Variants in SEMA4C observed in about 807,000 individuals in gnomAD.
The protein encoded by SEMA4C is semaphorin 4C, also known as semaphorin-4C.
In SEMA4C, 19 loss-of-function variants were observed where a neutral mutation model predicts 89.0. That is an observed-to-expected ratio of 0.21 (90% CI 0.15 to 0.31). The LOEUF (loss-of-function observed/expected upper bound fraction) is 0.31, where lower values mean the gene tolerates loss of function less well. Among genes scored for constraint, SEMA4C ranks in the 10% least tolerant of loss-of-function variants. SEMA4C has a pLI of 1.00. For missense variants in SEMA4C, 811 were observed against 1,107.0 expected (o/e 0.73, Z 3.79); for synonymous variants, 428 against 472.7 (o/e 0.91, Z 1.23).
At chr2:96,866,925 G>C in intron 2 of SEMA4C, 1 of 322,000 alleles carries the variant, frequency 3.1e-6, no homozygotes, top group South Asian at 2.6e-5. Context: ...AGAGATGCGA[G>C]CACAGCAGGC....
chr2:96,861,622 G>A lies in SEMA4C; in HGVS notation c.1629C>T (p.Thr543=), dbSNP rs1559031114. 5.7e-6 allele frequency: 9 copies of A among 1,578,966 alleles called. No homozygotes were observed. Among genetic ancestry groups the A allele is most frequent in the Non-Finnish European group, 6.9e-6 (8 of 1,159,166 alleles). ...GGTTGCAGATGCCTGAAGTGTCCGAGGTCATCACATGCTGGATCAGTAGAG... is the reference window on the plus strand; with the variant it reads ...GGTTGCAGATGCCTGAAGTGTCCGAAGTCATCACATGCTGGATCAGTAGAG... ...SGSLLIQHVM[T]SDTSGICNLR... Residue 543 remains threonine (T), a synonymous_variant, in exon 14 of 15, where the codon ACC becomes ACT. Coordinates refer to ENST00000305476, the MANE Select transcript of SEMA4C (RefSeq NM_017789.5). This position sits in a 1 kb window ranked among gnomAD's most constrained non-coding sequence, Gnocchi z 7.8.
Position 96,860,506 on chromosome 2 carries a change from T to C in SEMA4C, c.*120A>G. ...CAGGTCCTCATGGCCGGGTGGGTGC[T>C]GGGCAGTATCTGTCCCAGACAGAGC... On this transcript the variant is annotated 3_prime_UTR_variant, in exon 15 of 15. Coordinates refer to ENST00000305476, the MANE Select transcript of SEMA4C (RefSeq NM_017789.5). 1 of 909,796 alleles carries C rather than the reference T, an allele frequency of 1.1e-6. No individual in the cohort carries two copies. Among genetic ancestry groups the C allele is most frequent in the Non-Finnish European group, 1.6e-6 (1 of 614,216 alleles). The allele number at this position is 909,796 out of a possible 1,614,324, so 56.4% of individuals were successfully genotyped here.
At position 96,864,258 on chromosome 2, in the gene SEMA4C, G is replaced by T; in HGVS notation, c.1087C>A (p.Pro363Thr). The T allele has an allele frequency of 1.2e-6, 2 of 1,614,060 alleles. No homozygotes were observed. The highest frequency in any genetic ancestry group is 1.7e-6 in the Non-Finnish European group (2 of 1,180,020). The change falls in exon 10 of 15, where the codon CCC becomes ACC. Residue 363 changes from proline to threonine, a missense_variant. Physicochemically the swap from Pro to Thr is conservative, Grantham distance 38. Around this residue, in one of 4 missense-constraint regions of SEMA4C, gnomAD observed 441 missense variants for 664.9 expected, o/e 0.66. Transcript: ENST00000305476. This position sits in a 1 kb window ranked among gnomAD's most constrained non-coding sequence, Gnocchi z 6.3. ...CTCACCGAGCCAGGCCGAGGGCTGG[G>T]TACAGGGTCAGTGTAGCGGTCCCAC... The part of the protein sequence containing the change: ...QKWDRYTDPV[P>T]SPRPGSCINN...
In SEMA4C at chr2:96,860,555, G is replaced by T; in HGVS notation, c.*71C>A. On this transcript the variant is annotated 3_prime_UTR_variant, in exon 15 of 15. Transcript: ENST00000305476. ...GCAGGTGCCCGTGCCATGTCCCTGAGGTAGCTGGTGCCTGTGCAAAAGTAG... is the reference window on the plus strand; with the variant it reads ...GCAGGTGCCCGTGCCATGTCCCTGATGTAGCTGGTGCCTGTGCAAAAGTAG... 1 of 1,376,654 alleles carries T rather than the reference G, an allele frequency of 7.3e-7. No homozygotes were observed. The highest frequency in any genetic ancestry group is 1.0e-6 in the Non-Finnish European group (1 of 998,706). 85.3% of individuals were successfully genotyped at this position (1,376,654 alleles called of 1,614,324 possible).
intron 2 of SEMA4C, chr2:96,866,923 G>C (rs1248689412): frequency 9.3e-6 from 3 of 322,080 alleles, no homozygotes; most frequent in African/African-American, 6.5e-5. Flanking sequence ...CCAGAGATGC[G>C]AGCACAGCAG....
Position 96,861,515 on chromosome 2 carries a change from G to C in SEMA4C, c.1673-60C>G, listed in dbSNP as rs897149139. Reference sequence around the variant, plus strand: ...GCAGGAAAGCAGGGCTGGGGAAGAGGAGAACAGAAACTCCAGCTCTGGTCC... The same window carrying C: ...GCAGGAAAGCAGGGCTGGGGAAGAGCAGAACAGAAACTCCAGCTCTGGTCC... On this transcript the variant is annotated intron_variant, in intron 14 of 14. Coordinates refer to ENST00000305476, the MANE Select transcript of SEMA4C (RefSeq NM_017789.5). This position sits in a 1 kb window ranked among gnomAD's most constrained non-coding sequence, Gnocchi z 7.8. 1.2e-6 allele frequency: 2 copies of C among 1,609,010 alleles called. No homozygotes were observed. The highest frequency in any genetic ancestry group is 2.7e-5 in the African/African-American group (2 of 74,980).
rs372783921 is a variant in SEMA4C, at chr2:96,864,025, G to T, written c.1231C>A (p.Pro411Thr). 1.2e-6 allele frequency: 2 copies of T among 1,613,156 alleles called. No individual in the cohort carries two copies. Among genetic ancestry groups the T allele is most frequent in the African/African-American group, 1.3e-5 (1 of 74,864 alleles). ...EEQVGPRWSR[P>T]LLVKKGTNFT... ...TTGGTGCCCTTCTTCACGAGCAGGG[G>T]GCGGCTCCACCGAGGCCCCACCTGC... Residue 411 changes from proline (P) to threonine (T), a missense_variant, in exon 11 of 15, where the codon CCC (proline) becomes ACC (threonine). Transcript: ENST00000305476. This position sits in a 1 kb window ranked among gnomAD's most constrained non-coding sequence, Gnocchi z 6.3.
chr2:96,864,605 C>T lies in SEMA4C; in HGVS notation c.962+100G>A, dbSNP rs903072070. 24 of 1,449,866 alleles carry T rather than the reference C, an allele frequency of 1.7e-5. No individual in the cohort carries two copies. Among genetic ancestry groups the T allele is most frequent in the South Asian group, 6.7e-5 (5 of 74,546 alleles). The allele number at this position is 1,449,866 out of a possible 1,614,324, so 89.8% of individuals were successfully genotyped here. ...CCTTGGCTTCTGGACACCTGGCTTC[C>T]GGGACTGCCTCTGAGGCCTGGTCCA... On this transcript the variant is annotated intron_variant, in intron 9 of 14. Coordinates refer to ENST00000305476, the MANE Select transcript of SEMA4C (RefSeq NM_017789.5). The surrounding 1 kb of genome is among the most constrained non-coding windows in gnomAD (Gnocchi z 6.3).
At chr2:96,866,960 G>T in intron 2 of SEMA4C, 1 of 273,046 alleles carries the variant, frequency 3.7e-6, no homozygotes, top group Non-Finnish European at 7.3e-6. Flanking sequence ...GGGATGGCAG[G>T]AGGGGAGCTG....
rs12476284 is a variant in SEMA4C at position 96,861,050 on chromosome 2, T to A, written c.2078A>T (p.Glu693Val). ...AGTAGCCTTGGCCCCTTTCTCCAGC[T>A]CTTCCCGCAGCCGCCGGCGCAATGA... ...VLSLRRRLRE[E>V]LEKGAKATER... is the part of the protein sequence containing the mutation. The change falls in exon 15 of 15, where the codon GAG becomes GTG. Residue 693 changes from glutamate (E) to valine (V), a missense_variant. Glu to Val is a moderately radical substitution (Grantham distance 121, BLOSUM62 -2). Around this residue, in one of 4 missense-constraint regions of SEMA4C, gnomAD observed 248 missense variants for 269.0 expected, o/e 0.92. Transcript: ENST00000305476. This position sits in a 1 kb window ranked among gnomAD's most constrained non-coding sequence, Gnocchi z 7.8. The A allele has an allele frequency of 6.9e-3, 11,195 of 1,612,752 alleles. 1,113 individuals are homozygous for A. In the Admixed American group the frequency reaches 0.17, roughly 25 times the overall value.
At chr2:96,867,356 T>C (rs549379861) in intron 2 of SEMA4C, among the ~76,000 whole-genome samples, 2 of 152,212 alleles carry the variant, frequency 1.3e-5, no homozygotes, top group East Asian at 3.9e-4. Flanking sequence ...CCGGCAACCA[T>C]GCGAGCATGT....
At position 96,865,217 on chromosome 2, in the gene SEMA4C, G is replaced by A; in HGVS notation, c.621C>T (p.Ala207=). The change falls in exon 7 of 15, where the codon GCC becomes GCT. Residue 207 remains alanine (A), a synonymous_variant. Coordinates refer to ENST00000305476, the MANE Select transcript of SEMA4C (RefSeq NM_017789.5). ...PHHSMKTEYL[A]FWLNEPHFVG... ...CCGGTGGCTCACCGTTGAGCCAAAA[G>A]GCCAGGTACTCTGTCTTCATGGAGT... is the stretch of plus-strand genomic sequence containing the variant. 1.9e-6 allele frequency: 3 copies of A among 1,614,016 alleles called. No homozygotes were observed. In the African/African-American group the frequency reaches 4.0e-5, roughly 22 times the overall value.
intron 1 of SEMA4C, 120 bp from the exon 2 acceptor site, chr2:96,868,043 TC>T: frequency 1.5e-6 from 2 of 1,335,320 alleles, no homozygotes; most frequent in Middle Eastern, 5.3e-4. Context: ...GTGCCCTCCT[TC>T]CCCTTCTCTT....
In SEMA4C at chr2:96,861,754, G is replaced by A. The variant is rs762732215; in HGVS notation, c.1584C>T (p.Ala528=). 3.1e-6 allele frequency: 5 copies of A among 1,613,548 alleles called. No homozygotes were observed. Among genetic ancestry groups the A allele is most frequent in the Non-Finnish European group, 3.4e-6 (4 of 1,179,994 alleles). The change falls in exon 13 of 15, where the codon GCC becomes GCT. Residue 528 remains alanine (A), a synonymous_variant. Transcript: ENST00000305476. The surrounding 1 kb of genome is among the most constrained non-coding windows in gnomAD (Gnocchi z 7.8). ...CAACTCACCCAGAGTGGCCACCCAC[G>A]GCCACACAGCGGCTGGTGTTGACGC... ...AWSVNTSRCV[A]VGGHSGSLLI...
rs1476985516 is a variant in SEMA4C, at chr2:96,860,756, C to G, written c.2372G>C (p.Arg791Pro). The stretch of plus-strand genomic sequence containing the variant: ...CCGGTCCTCCCCTCCTAGTTGTAAG[C>G]GCACGTAACCATTGGCATTTGAGTT... ...GRNSNANGYV[R>P]LQLGGEDRGG... is the part of the protein sequence containing the mutation. Residue 791 changes from arginine (R) to proline (P), a missense_variant, in exon 15 of 15, where the codon CGC (arginine) becomes CCC (proline). Around this residue, in one of 4 missense-constraint regions of SEMA4C, gnomAD observed 248 missense variants for 269.0 expected, o/e 0.92. Transcript: ENST00000305476. 1 of 1,613,896 alleles carries G rather than the reference C, an allele frequency of 6.2e-7. No individual in the cohort carries two copies. Among genetic ancestry groups the G allele is most frequent in the South Asian group, 1.1e-5 (1 of 91,084 alleles).
At position 96,864,215 on chromosome 2, in the gene SEMA4C, T is replaced by G; in HGVS notation, c.1107+23A>C. 6.2e-7 allele frequency: 1 copy of G among 1,613,484 alleles called. No homozygotes were observed. Among genetic ancestry groups the G allele is most frequent in the East Asian group, 2.2e-5 (1 of 44,850 alleles). The stretch of plus-strand genomic sequence containing the variant: ...ATGGCACCGCAGCTGGGTGGGGAGA[T>G]GCATCCCTGCCCTAGCACTCACCGA... On this transcript the variant is annotated intron_variant, in intron 10 of 14. Transcript: ENST00000305476. The surrounding 1 kb of genome is among the most constrained non-coding windows in gnomAD (Gnocchi z 6.3).
At chr2:96,866,454 T>G (rs1396779075) in intron 2 of SEMA4C, 23 bp from the exon 3 acceptor site, 1 of 1,613,754 alleles carries the variant, frequency 6.2e-7, no homozygotes, top group East Asian at 2.2e-5. Context: ...GCATGGCTGC[T>G]GATGGGCAGG....
At position 96,864,706 on chromosome 2, in the gene SEMA4C, A is replaced by C; in HGVS notation, c.961T>G (p.Trp321Gly). ...TTFFGVFQAQ[W>G]GDMYLSAICE... ...CTGTGGGAGCCCTGGCCAACTCACC[A>C]CTGTGCTTGAAAAACCCCAAAGAAG... Residue 321 changes from tryptophan to glycine, a missense_variant and splice_region_variant, in exon 9 of 15, where the codon TGG becomes GGG. Transcript: ENST00000305476. The surrounding 1 kb of genome is among the most constrained non-coding windows in gnomAD (Gnocchi z 6.3). 6.2e-7 allele frequency: 1 copy of C among 1,605,324 alleles called. No homozygotes were observed. The highest frequency in any genetic ancestry group is 8.5e-7 in the Non-Finnish European group (1 of 1,174,228).
At position 96,864,468 on chromosome 2, in the gene SEMA4C, C is replaced by T; in HGVS notation, c.963-86G>A. The stretch of plus-strand genomic sequence containing the variant: ...AAGGGCAAGCAGCAGGAAGGCAGGG[C>T]CTGGCACAAACTGGCCATGGGTACC... On this transcript the variant is annotated intron_variant, in intron 9 of 14. Coordinates refer to ENST00000305476, the MANE Select transcript of SEMA4C (RefSeq NM_017789.5). This position sits in a 1 kb window ranked among gnomAD's most constrained non-coding sequence, Gnocchi z 6.3. 1.9e-6 allele frequency: 3 copies of T among 1,572,982 alleles called. No individual in the cohort carries two copies. The South Asian group carries it at 3.5e-5, about 18-fold the overall frequency.
Sources: gnomAD v4.1 joint callset for allele counts (sites outside exome capture counted in the v4.1 genomes callset) on GRCh38, gnomAD v4.1.1 for gene constraint, gnomAD v4.1.1 regional missense constraint, Gnocchi (gnomAD v3.1) non-coding constraint, MANE v1.5 for transcripts, NCBI Gene and HGNC (gene_info 2026-07-23, HGNC 2026-07-21) for gene names.